NRXN1: variants seen among roughly 807,000 people sequenced by gnomAD.
NRXN1 encodes the protein neurexin-1.
In NRXN1, 39 loss-of-function variants were observed where a neutral mutation model predicts 150.9. The observed-to-expected ratio is 0.26, with a 90% CI of 0.20 to 0.34. The LOEUF is 0.34. Ranked by LOEUF, NRXN1 falls within the 10% of genes least tolerant of loss-of-function variation. NRXN1 has a pLI of 1.00. For missense variants in NRXN1, 1,815 were observed against 1,949.9 expected (o/e 0.93, Z 1.30); for synonymous variants, 924 against 757.0 (o/e 1.22, Z -3.62).
intron 5 of NRXN1, among the ~76,000 whole-genome samples, chr2:50,893,480 T>C (rs1652635491): frequency 6.6e-6 from 1 of 152,154 alleles, no homozygotes; most frequent in Non-Finnish European, 1.5e-5. Flanking sequence ...ATATAGGATT[T>C]GGTTTGGTTG....
At chr2:50,204,560 G>C (rs894763578) in intron 18 of NRXN1, among the ~76,000 whole-genome samples, 2 of 152,018 alleles carry the variant, frequency 1.3e-5, no homozygotes, top group African/African-American at 4.8e-5. Flanking sequence ...ACCTTTAGAA[G>C]GGGCCTTAAA....
At chr2:50,540,449 C>T (rs1469646814) in intron 9 of NRXN1, among the ~76,000 whole-genome samples, 5 of 152,054 alleles carry the variant, frequency 3.3e-5, no homozygotes, top group Admixed American at 2.6e-4. Context: ...ACGATCATTA[C>T]ACGCATTTTA....
intron 18 of NRXN1, among the ~76,000 whole-genome samples, chr2:50,233,019 TC>T (rs1036935979): frequency 1.3e-5 from 2 of 152,030 alleles, no homozygotes; most frequent in Admixed American, 1.3e-4. Flanking sequence ...TGGAGGACTT[TC>T]TCAGAGTTAT....
chr2:50,649,377 A>G (rs1685278451), intron 5 of NRXN1, among the ~76,000 whole-genome samples: 2 of 152,002 alleles, frequency 1.3e-5, no homozygotes, highest in Admixed American at 1.3e-4. Context: ...AGACATTGTC[A>G]TAGAAATGCT....
At chr2:50,026,883 T>C (rs1361900614) in intron 21 of NRXN1, among the ~76,000 whole-genome samples, 24 of 61,126 alleles carry the variant, frequency 3.9e-4, no homozygotes, top group Non-Finnish European at 5.3e-4. Flanking sequence ...TTTTTTTTTT[T>C]TTTTTTTTTT....
intron 5 of NRXN1, among the ~76,000 whole-genome samples, chr2:50,679,329 A>C (rs77210142): frequency 0.085 from 12,937 of 152,198 alleles, 750 homozygotes; most frequent in Non-Finnish European, 0.13. Context: ...GGGCACAATC[A>C]AGCCAGCAGA....
intron 5 of NRXN1, among the ~76,000 whole-genome samples, chr2:50,842,312 G>A (rs1285102896): frequency 6.6e-6 from 1 of 152,174 alleles, no homozygotes; most frequent in Non-Finnish European, 1.5e-5. Context: ...GGAGCAGAAG[G>A]AAAAACATAG....
chr2:50,966,459 CCT>C (rs1373890192), intron 2 of NRXN1, among the ~76,000 whole-genome samples: 1 of 151,650 alleles, frequency 6.6e-6, no homozygotes, highest in African/African-American at 2.4e-5. Context: ...TATTTTTCCC[CCT>C]GAGCATTTAT....
At chr2:50,429,953 A>C (rs985228772) in intron 17 of NRXN1, among the ~76,000 whole-genome samples, 4 of 152,196 alleles carry the variant, frequency 2.6e-5, no homozygotes, top group Non-Finnish European at 4.4e-5. Context: ...ATTGATTTAC[A>C]TATTAATATT....
chr2:50,308,142 G>A (rs2074813111), intron 17 of NRXN1, among the ~76,000 whole-genome samples: 1 of 151,894 alleles, frequency 6.6e-6, no homozygotes, highest in African/African-American at 2.4e-5. Flanking sequence ...TACTGTCTTA[G>A]CAGTTTTCAG....
At chr2:50,504,616 C>T (rs1027776067) in intron 13 of NRXN1, among the ~76,000 whole-genome samples, 1 of 152,162 alleles carries the variant, frequency 6.6e-6, no homozygotes. Flanking sequence ...TTTCATCCTG[C>T]TACATCCACC....
At chr2:50,275,945 TTGATGATAATAA>T (rs1421405863) in intron 17 of NRXN1, among the ~76,000 whole-genome samples, 2 of 150,854 alleles carry the variant, frequency 1.3e-5, no homozygotes, top group African/African-American at 4.9e-5. Flanking sequence ...ATCACTGTTT[TTGATGATAATAA>T]TTATCATATT....
intron 5 of NRXN1, among the ~76,000 whole-genome samples, chr2:50,892,988 A>T (rs750886918): frequency 2.0e-5 from 3 of 152,100 alleles, no homozygotes; most frequent in Non-Finnish European, 4.4e-5. Flanking sequence ...GAAGATTGGG[A>T]CCTGGCCATT....
chr2:50,864,226 T>G (rs1011154225), intron 5 of NRXN1, among the ~76,000 whole-genome samples: 1 of 151,974 alleles, frequency 6.6e-6, no homozygotes, highest in African/African-American at 2.4e-5. Context: ...AAACATCAAC[T>G]AAGACCCAGG....
At chr2:50,258,404 C>T (rs1002828347) in intron 17 of NRXN1, among the ~76,000 whole-genome samples, 1 of 151,984 alleles carries the variant, frequency 6.6e-6, no homozygotes, top group Non-Finnish European at 1.5e-5. Context: ...TTCATTCATC[C>T]ATAAGAAGCA....
intron 5 of NRXN1, among the ~76,000 whole-genome samples, chr2:50,647,235 TA>T (rs1389856664): frequency 1.3e-5 from 2 of 151,884 alleles, no homozygotes; most frequent in Admixed American, 6.6e-5. Flanking sequence ...AGGGAAAATA[TA>T]AATTATTTTA....
At position 49,984,148 on chromosome 2, in the gene NRXN1, T is replaced by C. The variant is rs373310782; in HGVS notation, c.4129-40357A>G. Among the ~76,000 whole-genome samples the C allele has an allele frequency of 6.6e-5, 10 of 151,988 alleles. 1 individual carries two copies. The highest frequency in any genetic ancestry group is 1.9e-4 in the African/African-American group (8 of 41,430). Reference sequence around the variant, plus strand: ...TGGCACTGCACTCCAGTGCGGTCAATAGAGTGAGACCTGGTTTCAAAAAAT... The same window carrying C: ...TGGCACTGCACTCCAGTGCGGTCAACAGAGTGAGACCTGGTTTCAAAAAAT... On this transcript the variant is annotated intron_variant, in intron 21 of 22. Coordinates refer to ENST00000401669, the MANE Select transcript of NRXN1 (RefSeq NM_001330078.2).
chr2:50,418,686 G>A (rs2083740615), intron 17 of NRXN1, among the ~76,000 whole-genome samples: 2 of 152,094 alleles, frequency 1.3e-5, no homozygotes, highest in South Asian at 2.1e-4. Flanking sequence ...AATTCATCCA[G>A]GGATCAAGGG....
chr2:50,357,603 C>T (rs982441579), intron 17 of NRXN1, among the ~76,000 whole-genome samples: 2 of 152,110 alleles, frequency 1.3e-5, no homozygotes, highest in African/African-American at 2.4e-5. Flanking sequence ...CTACCGCGCC[C>T]AGGCATATTT....
Sources: gnomAD v4.1 joint callset for allele counts (sites outside exome capture counted in the v4.1 genomes callset) on GRCh38, gnomAD v4.1.1 for gene constraint, MANE v1.5 for transcripts, NCBI Gene and HGNC (gene_info 2026-07-23, HGNC 2026-07-21) for gene names.